Variants in PRKCB observed in about 807,000 individuals in gnomAD.
The protein encoded by PRKCB is protein kinase C beta, also known as protein kinase C beta type.
Under a neutral mutation model 81.5 loss-of-function variants are expected in PRKCB, and 13 were observed. The observed-to-expected ratio is 0.16, with a 90% CI of 0.10 to 0.25. The LOEUF is 0.25. Among genes scored for constraint, PRKCB ranks in the 10% least tolerant of loss-of-function variants. The pLI, the probability that PRKCB is intolerant of heterozygous loss-of-function variation, is 1.00. For synonymous variants in PRKCB, 335 were observed against 321.4 expected (o/e 1.04, Z -0.45); for missense variants, 509 against 875.7 (o/e 0.58, Z 5.29).
chr16:24,128,051 G>GAAAACGAAACAAAACAAAACAAAAC (rs1966847432), intron 9 of PRKCB, among the ~76,000 whole-genome samples: 1 of 151,274 alleles, frequency 6.6e-6, no homozygotes, highest in Non-Finnish European at 1.5e-5. Context: ...CTTAACCCAG[G>GAAAACGAAACAAAACAAAACAAAAC]AAAACAAAAC....
At chr16:23,993,196 G>A (rs1964911332) in intron 3 of PRKCB, among the ~76,000 whole-genome samples, 1 of 152,124 alleles carries the variant, frequency 6.6e-6, no homozygotes, top group Admixed American at 6.5e-5. Flanking sequence ...TATACAAGCA[G>A]AACCATAGGG....
intron 2 of PRKCB, among the ~76,000 whole-genome samples, chr16:23,942,917 A>G (rs1484105637): frequency 1.3e-5 from 2 of 152,216 alleles, no homozygotes; most frequent in Non-Finnish European, 2.9e-5. Context: ...GAAAGGAGAC[A>G]AATGAATTAT....
chr16:24,201,899 G>A (rs1032426059), intron 16 of PRKCB, among the ~76,000 whole-genome samples: 9 of 152,014 alleles, frequency 5.9e-5, no homozygotes, highest in African/African-American at 2.2e-4. Flanking sequence ...AGCTGGGCGC[G>A]GTGGCGGGCA....
chr16:24,152,007 C>T (rs1285105339), intron 9 of PRKCB, among the ~76,000 whole-genome samples: 1 of 151,932 alleles, frequency 6.6e-6, no homozygotes, highest in African/African-American at 2.4e-5. Context: ...CTCCTTCTCT[C>T]GTTTTGGTTG....
Position 24,025,051 on chromosome 16 carries a change from A to G in PRKCB, c.289-7085A>G, listed in dbSNP as rs747386262. ...CCCTCATGAAAGCGGAGGGAGGGGAATGAGGTCAGAGGAGCTCTCCAGCAG... is the reference window on the plus strand; with the variant it reads ...CCCTCATGAAAGCGGAGGGAGGGGAGTGAGGTCAGAGGAGCTCTCCAGCAG... On this transcript the variant is annotated intron_variant, in intron 3 of 16. Transcript: ENST00000643927. 3.2e-3 allele frequency among the ~76,000 whole-genome samples: 494 copies of G among 152,236 alleles called. 4 individuals are homozygous for G. Among genetic ancestry groups the G allele is most frequent in the Non-Finnish European group, 3.7e-3 (254 of 67,994 alleles).
rs116370909 is a variant in PRKCB, at chr16:24,075,731, T to C, written c.530-17060T>C. The stretch of plus-strand genomic sequence containing the variant: ...TAGTTGCAAGGAAGTGGGTCAAAGT[T>C]AGCCTGATTAATGCTGAATTGTAAC... On this transcript the variant is annotated intron_variant, in intron 5 of 16. Transcript: ENST00000643927. Among the ~76,000 whole-genome samples, 560 of 152,322 alleles carry C rather than the reference T, an allele frequency of 3.7e-3. 1 individual carries two copies. Among genetic ancestry groups the C allele is most frequent in the African/African-American group, 0.013 (544 of 41,574 alleles).
rs1487278717 is a variant in PRKCB, at chr16:24,092,827, A to G, written c.566A>G (p.Asn189Ser). 7 of 1,614,032 alleles carry G rather than the reference A, an allele frequency of 4.3e-6. No individual in the cohort carries two copies. Among genetic ancestry groups the G allele is most frequent in the Admixed American group, 1.7e-5 (1 of 59,996 alleles). ...AAAAACCTTGTACCTATGGACCCCAATGGCCTGTCAGATCCCTACGTAAAA... is the reference window on the plus strand; with the variant it reads ...AAAAACCTTGTACCTATGGACCCCAGTGGCCTGTCAGATCCCTACGTAAAA... ...DAKNLVPMDP[N>S]GLSDPYVKLK... The change falls in exon 6 of 17, where the codon AAT becomes AGT. Residue 189 changes from asparagine (N) to serine (S), a missense_variant. By Grantham distance (46) the Asn-to-Ser change is conservative (BLOSUM62 1). This residue lies in a region of PRKCB where 184 missense variants were observed against 362.9 expected (regional missense o/e 0.51). Transcript: ENST00000643927.
chr16:24,020,792 T>C (rs1965346995), intron 3 of PRKCB, among the ~76,000 whole-genome samples: 1 of 152,166 alleles, frequency 6.6e-6, no homozygotes, highest in African/African-American at 2.4e-5. Context: ...TGTCCAGGGA[T>C]GACACAGTCT....
At chr16:23,950,488 T>C (rs951881781) in intron 2 of PRKCB, among the ~76,000 whole-genome samples, 25 of 152,214 alleles carry the variant, frequency 1.6e-4, no homozygotes, top group African/African-American at 6.0e-4. Context: ...CAGACAGACC[T>C]AAGTTCAAAC....
At position 24,158,604 on chromosome 16, in the gene PRKCB, ATG is replaced by A. The variant is rs377085007; in HGVS notation, c.1239+3761_1239+3762del. Among the ~76,000 whole-genome samples, 228 of 148,362 alleles carry A rather than the reference ATG, an allele frequency of 1.5e-3. 2 individuals carry two copies. In the East Asian group the frequency reaches 0.027, roughly 18 times the overall value. ...TATATGTATATGTATATGTGTGTGT[ATG>A]TGTGTGTGTGTGTATGTGTATGTGT... is the stretch of plus-strand genomic sequence containing the variant. On this transcript the variant is annotated intron_variant, in intron 10 of 16. Transcript: ENST00000643927.
At chr16:24,110,458 A>G (rs890237203) in intron 7 of PRKCB, among the ~76,000 whole-genome samples, 1 of 143,450 alleles carries the variant, frequency 7.0e-6, no homozygotes, top group Non-Finnish European at 1.5e-5. Flanking sequence ...TGATCTGCCC[A>G]CCTTGGTCTA....
At chr16:23,914,534 G>A (rs1963709500) in intron 2 of PRKCB, among the ~76,000 whole-genome samples, 1 of 152,202 alleles carries the variant, frequency 6.6e-6, no homozygotes, top group Admixed American at 6.5e-5. Flanking sequence ...TTCTCTGTAA[G>A]TCTGGACACC....
At position 24,082,640 on chromosome 16, in the gene PRKCB, T is replaced by C. The variant is rs530358231; in HGVS notation, c.530-10151T>C. Among the ~76,000 whole-genome samples the C allele has an allele frequency of 2.0e-5, 3 of 152,290 alleles. No homozygotes were observed. The South Asian group carries it at 6.2e-4, about 32-fold the overall frequency. ...GGTCTTTCAACAAATGATGTTGGAA[T>C]GATTAGACATTCATATGAAAACAAA... On this transcript the variant is annotated intron_variant, in intron 5 of 16. Transcript: ENST00000643927.
intron 2 of PRKCB, among the ~76,000 whole-genome samples, chr16:23,928,358 C>A (rs1963925126): frequency 6.6e-6 from 1 of 152,064 alleles, no homozygotes; most frequent in African/African-American, 2.4e-5. Flanking sequence ...GAACTCCTGA[C>A]CTCAGGTGAT....
chr16:24,077,148 C>A (rs1464617050), intron 5 of PRKCB, among the ~76,000 whole-genome samples: 1 of 151,876 alleles, frequency 6.6e-6, no homozygotes, highest in Non-Finnish European at 1.5e-5. Context: ...TGTGCTTGGG[C>A]TGTGCCATTT....
intron 5 of PRKCB, among the ~76,000 whole-genome samples, chr16:24,041,899 G>A (rs1472783342): frequency 4.6e-5 from 7 of 151,192 alleles, no homozygotes; most frequent in African/African-American, 1.7e-4. Flanking sequence ...CAGGAGAATC[G>A]CTTGGACCCA....
chr16:23,902,732 CCCTTCCTT>C (rs1555483455), intron 2 of PRKCB, among the ~76,000 whole-genome samples: 18 of 11,128 alleles, frequency 1.6e-3, no homozygotes, highest in Admixed American at 5.6e-3. Flanking sequence ...CTCCCTTCCT[CCCTTCCTT>C]CCTTCCTTCC....
intron 16 of PRKCB, among the ~76,000 whole-genome samples, chr16:24,199,118 T>A (rs1335459393): frequency 6.6e-6 from 1 of 152,180 alleles, no homozygotes; most frequent in Non-Finnish European, 1.5e-5. Flanking sequence ...CTTGCAAAGG[T>A]CCTTGTCCTA....
At chr16:23,926,481 C>CA (rs909295878) in intron 2 of PRKCB, among the ~76,000 whole-genome samples, 4 of 139,594 alleles carry the variant, frequency 2.9e-5, no homozygotes, top group African/African-American at 8.0e-5. Context: ...GAGACTGTTT[C>CA]AAAAAAAATA....
Sources: allele counts gnomAD v4.1 joint callset (sites outside exome capture counted in the v4.1 genomes callset), GRCh38; gene constraint gnomAD v4.1.1; regional missense constraint gnomAD v4.1.1; transcripts MANE v1.5; gene names NCBI Gene and HGNC (gene_info 2026-07-23, HGNC 2026-07-21).